SLC4A4: variants seen among roughly 807,000 people sequenced by gnomAD.
The protein encoded by SLC4A4 is solute carrier family 4 member 4, also known as electrogenic sodium bicarbonate cotransporter 1.
Under a neutral mutation model 111.5 loss-of-function variants are expected in SLC4A4, and 27 were observed. The observed-to-expected ratio is 0.24, with a 90% CI of 0.18 to 0.33. The LOEUF (loss-of-function observed/expected upper bound fraction) is 0.33, where lower values mean the gene tolerates loss of function less well. SLC4A4 is among the 10% of genes least tolerant of loss of function. The pLI, the probability that SLC4A4 is intolerant of heterozygous loss-of-function variation, is 1.00. For synonymous variants in SLC4A4, 443 were observed against 463.4 expected (o/e 0.96, Z 0.57); for missense variants, 909 against 1,315.5 (o/e 0.69, Z 4.78).
chr4:71,279,713 A>T (rs1175818215), intron 3 of SLC4A4, among the ~76,000 whole-genome samples: 1 of 152,156 alleles, frequency 6.6e-6, no homozygotes, highest in Non-Finnish European at 1.5e-5. Context: ...GTGTTCTATA[A>T]TGGCTGTCTA....
intron 18 of SLC4A4, among the ~76,000 whole-genome samples, chr4:71,541,726 G>A (rs1297531469): frequency 6.6e-6 from 1 of 151,794 alleles, no homozygotes; most frequent in African/African-American, 2.4e-5. Context: ...GAACAAGAGT[G>A]GAGGTGGGTG....
chr4:71,177,245 T>G (rs1440558288), intron 2 of SLC4A4, among the ~76,000 whole-genome samples: 1 of 152,168 alleles, frequency 6.6e-6, no homozygotes, highest in Middle Eastern at 3.4e-3. Context: ...TAAAGACCAT[T>G]GAGGCTAGGA....
intron 1 of SLC4A4, among the ~76,000 whole-genome samples, chr4:71,072,545 T>C (rs949884931): frequency 2.0e-4 from 30 of 150,096 alleles, no homozygotes; most frequent in Non-Finnish European, 3.7e-4. Flanking sequence ...TTTTTAGAGC[T>C]TCCCAGCCTT....
At chr4:71,449,346 A>G (rs1333573077) in intron 9 of SLC4A4, among the ~76,000 whole-genome samples, 5 of 152,258 alleles carry the variant, frequency 3.3e-5, no homozygotes, top group African/African-American at 1.2e-4. Context: ...CTTATATCTT[A>G]TTAGTTGGAA....
intron 3 of SLC4A4, among the ~76,000 whole-genome samples, chr4:71,282,016 A>G (rs1198540891): frequency 6.6e-6 from 1 of 151,454 alleles, no homozygotes; most frequent in Non-Finnish European, 1.5e-5. Flanking sequence ...GGGTGACCTC[A>G]GTTTTTGTTC....
intron 1 of SLC4A4, among the ~76,000 whole-genome samples, chr4:71,085,333 A>C (rs1379340869): frequency 6.6e-6 from 1 of 151,772 alleles, no homozygotes; most frequent in African/African-American, 2.4e-5. Context: ...GGGTTGCAAA[A>C]ATTTTCTCCC....
intron 14 of SLC4A4, among the ~76,000 whole-genome samples, chr4:71,481,283 C>T (rs1187525216): frequency 6.6e-6 from 1 of 151,650 alleles, no homozygotes; most frequent in Non-Finnish European, 1.5e-5. Context: ...ACCTTAGTGA[C>T]CAGTTGTTGC....
At position 71,179,078 on chromosome 4, in the gene SLC4A4, A is replaced by G. The variant is rs1240815004; in HGVS notation, c.-1-57498A>G. Among the ~76,000 whole-genome samples, 5 of 152,384 alleles carry G rather than the reference A, an allele frequency of 3.3e-5. No homozygotes were observed. The East Asian group carries it at 9.6e-4, about 29-fold the overall frequency. On this transcript the variant is annotated intron_variant, in intron 2 of 26. Transcript: ENST00000649996. ...TGCAAATCAATAAACATAATCCAGC[A>G]TATAAACAGAACCAATGACAAAAAC...
intron 7 of SLC4A4, among the ~76,000 whole-genome samples, chr4:71,404,512 T>C (rs576103456): frequency 1.3e-5 from 2 of 152,330 alleles, no homozygotes; most frequent in East Asian, 3.9e-4. Context: ...ACTTTTTTTC[T>C]CTTTTCAATA....
At chr4:71,363,624 T>C (rs1730995074) in intron 6 of SLC4A4, among the ~76,000 whole-genome samples, 1 of 152,184 alleles carries the variant, frequency 6.6e-6, no homozygotes, top group African/African-American at 2.4e-5. Context: ...GATAGGTCAG[T>C]TGACATCTTG....
intron 7 of SLC4A4, among the ~76,000 whole-genome samples, chr4:71,417,475 C>G (rs748028840): frequency 6.6e-6 from 1 of 152,018 alleles, no homozygotes. Flanking sequence ...GAGCAAGTGA[C>G]CTGTATTTAT....
intron 2 of SLC4A4, among the ~76,000 whole-genome samples, chr4:71,247,354 TATA>T (rs956704503): frequency 4.7e-5 from 7 of 148,470 alleles, no homozygotes; most frequent in East Asian, 1.9e-4. Context: ...TATTAAAATA[TATA>T]ATATTTATAT....
intron 3 of SLC4A4, 152 bp downstream of exon 3, chr4:71,255,551 T>G: frequency 3.3e-6 from 3 of 914,990 alleles, no homozygotes; most frequent in South Asian, 2.8e-5. Flanking sequence ...GTGGAGATGC[T>G]TTGCTTGTAC....
At chr4:71,145,938 T>C (rs1382311448) in intron 2 of SLC4A4, among the ~76,000 whole-genome samples, 2 of 152,188 alleles carry the variant, frequency 1.3e-5, no homozygotes, top group East Asian at 1.9e-4. Flanking sequence ...TTTTTGTGTC[T>C]CTATTTCCTT....
At chr4:71,303,955 A>G (rs899579697) in intron 3 of SLC4A4, among the ~76,000 whole-genome samples, 1 of 152,164 alleles carries the variant, frequency 6.6e-6, no homozygotes, top group Admixed American at 6.5e-5. Context: ...GCCTATTCCT[A>G]TGCATTGTCT....
At chr4:71,174,562 T>A (rs1013540557) in intron 2 of SLC4A4, among the ~76,000 whole-genome samples, 1 of 152,148 alleles carries the variant, frequency 6.6e-6, no homozygotes, top group African/African-American at 2.4e-5. Flanking sequence ...CACCATTTTT[T>A]AATACAGTAT....
intron 6 of SLC4A4, among the ~76,000 whole-genome samples, chr4:71,360,369 G>A (rs537255810): frequency 6.6e-6 from 1 of 152,114 alleles, no homozygotes; most frequent in East Asian, 1.9e-4. Context: ...TTGTCTCTAG[G>A]CTTAAAGAAG....
At chr4:71,236,173 G>C (rs938554904) in intron 1 of SLC4A4, 1 of 1,058,148 alleles carries the variant, frequency 9.5e-7, no homozygotes. Context: ...AAGCACTGAA[G>C]CTGGATTTCC....
intron 16 of SLC4A4, among the ~76,000 whole-genome samples, chr4:71,498,149 A>G (rs1025135241): frequency 2.0e-5 from 3 of 152,094 alleles, no homozygotes; most frequent in African/African-American, 4.8e-5. Flanking sequence ...GTGTTGTTAC[A>G]CAAGTATTGG....
Sources: gnomAD v4.1 joint callset for allele counts (sites outside exome capture counted in the v4.1 genomes callset) on GRCh38, gnomAD v4.1.1 for gene constraint, MANE v1.5 for transcripts, NCBI Gene and HGNC (gene_info 2026-07-23, HGNC 2026-07-21) for gene names.